The following ABCG2 variants were observed in gnomAD, a reference collection of about 807,000 sequenced individuals.
The protein encoded by ABCG2 is ATP binding cassette subfamily G member 2 (JR blood group).
Under a neutral mutation model 73.5 loss-of-function variants are expected in ABCG2, and 80 were observed. The ratio of observed to expected loss-of-function variants is 1.09; its 90% CI spans 0.91 to 1.31. The LOEUF is 1.31. ABCG2 is among the 50% of genes most tolerant of loss of function. ABCG2 has a pLI of 0.00. For missense variants in ABCG2, 796 were observed against 786.2 expected (o/e 1.01, Z -0.15); for synonymous variants, 269 against 282.4 (o/e 0.95, Z 0.48).
chr4:88,196,353 A>G (rs1356411403), intron 1 of ABCG2, among the ~76,000 whole-genome samples: 2 of 152,202 alleles, frequency 1.3e-5, no homozygotes, highest in Admixed American at 1.3e-4. Context: ...GCACAGAATA[A>G]TCATCCCATA....
At chr4:88,183,444 A>G (rs1200265932) in intron 1 of ABCG2, among the ~76,000 whole-genome samples, 1 of 152,156 alleles carries the variant, frequency 6.6e-6, no homozygotes, top group Admixed American at 6.6e-5. Flanking sequence ...ATAAGCAACC[A>G]TAGGATAATA....
At chr4:88,231,409 T>A (rs1730459121), upstream of ABCG2, 1 of 152,182 alleles carries the variant, frequency 6.6e-6, no homozygotes, top group African/African-American at 2.4e-5. Flanking sequence ...CAGCGTGGGA[T>A]CCTCTTCTGG....
intron 1 of ABCG2, among the ~76,000 whole-genome samples, chr4:88,192,278 A>T (rs1386594703): frequency 6.6e-6 from 1 of 152,154 alleles, no homozygotes; most frequent in Non-Finnish European, 1.5e-5. Context: ...GGTGATAGAA[A>T]TGTCCTTAAA....
intron 9 of ABCG2, among the ~76,000 whole-genome samples, chr4:88,111,453 C>T: frequency 6.6e-6 from 1 of 152,110 alleles, no homozygotes; most frequent in Admixed American, 6.6e-5. Context: ...GATACAAGCT[C>T]TTAGATAAAT....
At chr4:88,158,969 G>T, upstream of ABCG2, 1 of 359,480 alleles carries the variant, frequency 2.8e-6, no homozygotes, top group East Asian at 8.3e-5. Context: ...CGGGGGTGAG[G>T]CGTGGCCCCG....
intron 1 of ABCG2, among the ~76,000 whole-genome samples, chr4:88,219,100 T>G (rs1376701503): frequency 2.0e-5 from 3 of 152,382 alleles, no homozygotes; most frequent in South Asian, 2.1e-4. Context: ...TCATGACTTC[T>G]CACTCCACTA....
At position 88,131,221 on chromosome 4, in the gene ABCG2, C is replaced by A; in HGVS notation, c.379-8G>T. 1 of 1,613,484 alleles carries A rather than the reference C, an allele frequency of 6.2e-7. No homozygotes were observed. Among genetic ancestry groups the A allele is most frequent in the Non-Finnish European group, 8.5e-7 (1 of 1,179,676 alleles). Reference sequence around the variant, plus strand: ...GCCCATCACAACATCATCCTTAAGGCAAATAGCATTTTAATGAGACATAAT... The same window carrying A: ...GCCCATCACAACATCATCCTTAAGGAAAATAGCATTTTAATGAGACATAAT... On this transcript the variant is annotated splice_region_variant and splice_polypyrimidine_tract_variant and intron_variant, in intron 4 of 15. Coordinates refer to ENST00000237612, the MANE Select transcript of ABCG2 (RefSeq NM_004827.3).
At chr4:88,142,745 G>A (rs1324494233) in intron 1 of ABCG2, among the ~76,000 whole-genome samples, 1 of 152,068 alleles carries the variant, frequency 6.6e-6, no homozygotes, top group Non-Finnish European at 1.5e-5. Context: ...GCAGGAATTC[G>A]AGGCCAGCCT....
chr4:88,163,027 A>G (rs995553802), upstream of ABCG2, among the ~76,000 whole-genome samples: 35 of 152,138 alleles, frequency 2.3e-4, no homozygotes, highest in African/African-American at 8.5e-4. Flanking sequence ...AGAATTGTCA[A>G]TTTTCCCTGG....
intron 1 of ABCG2, among the ~76,000 whole-genome samples, chr4:88,226,377 C>T (rs1212472311): frequency 6.6e-6 from 1 of 152,208 alleles, no homozygotes; most frequent in Non-Finnish European, 1.5e-5. Flanking sequence ...CACACAAGAA[C>T]ATGTTTGACC....
intron 6 of ABCG2, among the ~76,000 whole-genome samples, chr4:88,121,285 A>G (rs1296672324): frequency 6.6e-6 from 1 of 152,208 alleles, no homozygotes; most frequent in Non-Finnish European, 1.5e-5. Flanking sequence ...AAGATGAAAA[A>G]GGTGTGAAAT....
At chr4:88,175,382 T>C (rs949240580) in intron 1 of ABCG2, among the ~76,000 whole-genome samples, 4 of 152,242 alleles carry the variant, frequency 2.6e-5, no homozygotes, top group Non-Finnish European at 5.9e-5. Flanking sequence ...AAGTATTTCA[T>C]TAGGGGTTAC....
chr4:88,125,097 C>A (rs1724293941), intron 5 of ABCG2, among the ~76,000 whole-genome samples: 1 of 151,522 alleles, frequency 6.6e-6, no homozygotes, highest in African/African-American at 2.4e-5. Context: ...TCAAGACCAT[C>A]CTGGCTAACA....
intron 1 of ABCG2, among the ~76,000 whole-genome samples, chr4:88,205,559 T>C (rs1265893392): frequency 6.6e-6 from 1 of 152,230 alleles, no homozygotes; most frequent in Non-Finnish European, 1.5e-5. Context: ...GTTACTCTTA[T>C]CCTTTGCATG....
In ABCG2 at chr4:88,158,480, GGGA is replaced by G. The variant is rs1727101018; in HGVS notation, c.-117_-115del. The G allele has an allele frequency of 2.2e-6, 1 of 456,144 alleles. No homozygotes were observed. The highest frequency in any genetic ancestry group is 1.5e-5 in the South Asian group (1 of 64,548). The allele number at this position is 456,144 out of a possible 1,614,324, so 28.3% of individuals were successfully genotyped here. On this transcript the variant is annotated 5_prime_UTR_variant, in exon 1 of 16. Transcript: ENST00000237612. Reference sequence around the variant, plus strand: ...TTTAACAATTAAGGATGTAAATGTTGGGATGAGTCACCCGGACCTTCCAAACAA... The same window carrying G: ...TTTAACAATTAAGGATGTAAATGTTGTGAGTCACCCGGACCTTCCAAACAA...
chr4:88,119,863 C>T (rs112973614), intron 6 of ABCG2, among the ~76,000 whole-genome samples: 8,800 of 152,052 alleles, frequency 0.058, 428 homozygotes, highest in Admixed American at 0.13. Flanking sequence ...CCTGATGATG[C>T]GATAAAAAAG....
Position 88,146,276 on chromosome 4 carries a change from G to A in ABCG2, c.-19-6262C>T, listed in dbSNP as rs184554136. 1.3e-3 allele frequency among the ~76,000 whole-genome samples: 200 copies of A among 150,930 alleles called. 1 individual carries two copies. The highest frequency in any genetic ancestry group is 4.6e-3 in the African/African-American group (189 of 41,032). On this transcript the variant is annotated intron_variant, in intron 1 of 15. Transcript: ENST00000237612. ...TGTGGGTTCCCTAGCTGGGTTCCTA[G>A]AAATTAAACTGGCAATAGACAGGTT...
intron 2 of ABCG2, among the ~76,000 whole-genome samples, chr4:88,133,891 G>A (rs566180940): frequency 1.3e-5 from 2 of 151,918 alleles, no homozygotes; most frequent in East Asian, 1.9e-4. Flanking sequence ...CCAGCTACTC[G>A]GGAGGCTGAG....
Position 88,095,746 on chromosome 4 carries a change from TA to T in ABCG2, c.1648-138del, listed in dbSNP as rs1342745720. The stretch of plus-strand genomic sequence containing the variant: ...ACTCTTTCTTGAAGTTCTCTCCACT[TA>T]CTCAAGACACTCACTAAACTCTTCT... On this transcript the variant is annotated intron_variant, in intron 13 of 15. Transcript: ENST00000237612. 6.0e-6 allele frequency: 4 copies of T among 665,214 alleles called. No individual in the cohort carries two copies. In the Admixed American group the frequency reaches 9.2e-5, roughly 15 times the overall value. The allele number at this position is 665,214 out of a possible 1,614,324, so 41.2% of individuals were successfully genotyped here.
Sources: gnomAD v4.1 joint callset for allele counts (sites outside exome capture counted in the v4.1 genomes callset) on GRCh38, gnomAD v4.1.1 for gene constraint, MANE v1.5 for transcripts, NCBI Gene and HGNC (gene_info 2026-07-23, HGNC 2026-07-21) for gene names.